Variants in MYO1D observed in about 807,000 individuals in gnomAD.
MYO1D encodes unconventional myosin-Id.
MYO1D carries 83 observed loss-of-function variants against 122.0 expected under a neutral mutation model. The observed-to-expected ratio is 0.68, with a 90% CI of 0.57 to 0.82. The LOEUF (loss-of-function observed/expected upper bound fraction) is 0.82, where lower values mean the gene tolerates loss of function less well. Among genes scored for constraint, MYO1D ranks in the 40% least tolerant of loss-of-function variants. The pLI, the probability that MYO1D is intolerant of heterozygous loss-of-function variation, is 0.00. For missense variants in MYO1D, 1,157 were observed against 1,269.5 expected (o/e 0.91, Z 1.35); for synonymous variants, 464 against 446.9 (o/e 1.04, Z -0.48).
chr17:32,655,088 A>C (rs1296601631), intron 17 of MYO1D, among the ~76,000 whole-genome samples: 1 of 152,268 alleles, frequency 6.6e-6, no homozygotes. Context: ...AGTTGCTAAA[A>C]TACATATCAT....
chr17:32,837,579 G>C (rs1841965664), intron 1 of MYO1D, among the ~76,000 whole-genome samples: 1 of 151,954 alleles, frequency 6.6e-6, no homozygotes, highest in Admixed American at 6.6e-5. Context: ...AGCTTTATTT[G>C]TATCTAAAAT....
intron 21 of MYO1D, among the ~76,000 whole-genome samples, chr17:32,513,731 T>G (rs763886080): frequency 2.4e-4 from 37 of 152,208 alleles, no homozygotes; most frequent in Non-Finnish European, 4.1e-4. Flanking sequence ...GTCTAGAATT[T>G]GAAAATTTAG....
At chr17:32,825,527 AGG>A (rs2090714300) in intron 1 of MYO1D, among the ~76,000 whole-genome samples, 1 of 152,188 alleles carries the variant, frequency 6.6e-6, no homozygotes, top group Non-Finnish European at 1.5e-5. Flanking sequence ...TCTTGGGCTC[AGG>A]CGATCCATCC....
intron 21 of MYO1D, among the ~76,000 whole-genome samples, chr17:32,586,930 A>G (rs2087391423): frequency 6.6e-6 from 1 of 152,138 alleles, no homozygotes. Context: ...CTCTTTTCCT[A>G]GCTGGGCTTT....
intron 1 of MYO1D, among the ~76,000 whole-genome samples, chr17:32,784,528 A>G (rs1256862158): frequency 6.6e-6 from 1 of 152,152 alleles, no homozygotes; most frequent in African/African-American, 2.4e-5. Context: ...AAGTTTAAAA[A>G]TATTTATTAA....
chr17:32,686,008 T>G (rs2089000285), intron 16 of MYO1D, among the ~76,000 whole-genome samples: 1 of 152,200 alleles, frequency 6.6e-6, no homozygotes, highest in Admixed American at 6.5e-5. Context: ...TAGAGTGATG[T>G]GGTAGGCTGA....
chr17:32,514,786 T>TGGC (rs1909830506), intron 21 of MYO1D, among the ~76,000 whole-genome samples: 1 of 152,220 alleles, frequency 6.6e-6, no homozygotes. Context: ...ACATTCCAGC[T>TGGC]GGCAGCAGCA....
At chr17:32,856,713 C>T (rs144537892) in intron 1 of MYO1D, among the ~76,000 whole-genome samples, 8 of 152,274 alleles carry the variant, frequency 5.3e-5, no homozygotes, top group African/African-American at 1.9e-4. Context: ...TCTTCAGACT[C>T]CTCTCAGGGT....
rs1426190101 is a variant in MYO1D, at chr17:32,560,254, C to CA, written c.2864+44832dup. On this transcript the variant is annotated intron_variant, in intron 21 of 21. Transcript: ENST00000318217. ...TGGGCGACAGAATGAGACTCCATCT[C>CA]AAAAAAAAAGGAAAAAGTGTTTGTG... 4.7e-4 allele frequency among the ~76,000 whole-genome samples: 69 copies of CA among 148,066 alleles called. 1 individual carries two copies. The highest frequency in any genetic ancestry group is 1.4e-3 in the African/African-American group (56 of 40,384).
At chr17:32,624,068 T>C (rs1385023126) in intron 20 of MYO1D, among the ~76,000 whole-genome samples, 5 of 152,152 alleles carry the variant, frequency 3.3e-5, no homozygotes, top group Admixed American at 6.5e-5. Context: ...AGAACTGAAT[T>C]TGGGAGCAAG....
At chr17:32,784,436 G>A (rs2151031825) in intron 1 of MYO1D, among the ~76,000 whole-genome samples, 1 of 151,788 alleles carries the variant, frequency 6.6e-6, no homozygotes, top group South Asian at 2.1e-4. Flanking sequence ...TATGGTCTTT[G>A]CTCTGTTACC....
intron 1 of MYO1D, among the ~76,000 whole-genome samples, chr17:32,865,607 G>C (rs546885589): frequency 4.6e-5 from 7 of 152,316 alleles, no homozygotes; most frequent in African/African-American, 1.7e-4. Flanking sequence ...ATGTTCAGGA[G>C]TAAACAATCT....
chr17:32,875,476 G>A (rs1314418858), intron 1 of MYO1D, among the ~76,000 whole-genome samples: 1 of 152,200 alleles, frequency 6.6e-6, no homozygotes, highest in Non-Finnish European at 1.5e-5. Flanking sequence ...GAGAGGTTAA[G>A]TAACTTGCTC....
chr17:32,699,652 A>G (rs1053456697), intron 16 of MYO1D, among the ~76,000 whole-genome samples: 9 of 152,228 alleles, frequency 5.9e-5, no homozygotes, highest in Admixed American at 3.3e-4. Context: ...GTGACAAAAG[A>G]TATCTGGGAT....
intron 16 of MYO1D, among the ~76,000 whole-genome samples, chr17:32,691,439 C>T (rs917838041): frequency 5.6e-5 from 7 of 125,636 alleles, no homozygotes; most frequent in African/African-American, 2.1e-4. Context: ...TGGAGTCTTA[C>T]TCTGTCGCCC....
At chr17:32,600,594 A>T (rs1212532611) in intron 21 of MYO1D, among the ~76,000 whole-genome samples, 3 of 152,174 alleles carry the variant, frequency 2.0e-5, no homozygotes, top group African/African-American at 7.2e-5. Context: ...CTTAATTCTC[A>T]TGAACCAACC....
chr17:32,830,332 G>A (rs1219684828), intron 1 of MYO1D: 1 of 152,196 alleles, frequency 6.6e-6, no homozygotes, highest in Non-Finnish European at 1.5e-5. Context: ...GACCAGCCAC[G>A]ATGCTTTAAA....
Position 32,747,847 on chromosome 17 carries a change from A to G in MYO1D, c.1538+1089T>C, listed in dbSNP as rs564047643. Among the ~76,000 whole-genome samples the G allele has an allele frequency of 8.2e-5, 12 of 146,228 alleles. No homozygotes were observed. The South Asian group carries it at 2.6e-3, about 32-fold the overall frequency. On this transcript the variant is annotated intron_variant, in intron 12 of 21. Coordinates refer to ENST00000318217, the MANE Select transcript of MYO1D (RefSeq NM_015194.3). ...GCGAGACTCCATCTCAAAAAAAAGG[A>G]AAAAAAAAAAGATAGACACAAAGGG...
intron 14 of MYO1D, 127 bp downstream of exon 14, chr17:32,738,126 C>T (rs2089728505): frequency 7.8e-6 from 6 of 770,944 alleles, no homozygotes; most frequent in Non-Finnish European, 1.1e-5. Context: ...TCTATTATAA[C>T]ATTCACTTTA....
Sources: gnomAD v4.1 joint callset for allele counts (sites outside exome capture counted in the v4.1 genomes callset) on GRCh38, gnomAD v4.1.1 for gene constraint, MANE v1.5 for transcripts, NCBI Gene and HGNC (gene_info 2026-07-23, HGNC 2026-07-21) for gene names.